Variants in ARCN1 observed in about 807,000 individuals in gnomAD.
ARCN1 encodes archain 1 coat protein complex I subunit delta.
Under a neutral mutation model 60.4 loss-of-function variants are expected in ARCN1, and 5 were observed. That is an observed-to-expected ratio of 0.08 (90% confidence interval 0.04 to 0.17). The LOEUF (loss-of-function observed/expected upper bound fraction) is 0.17, where lower values mean the gene tolerates loss of function less well. ARCN1 is among the 10% of genes least tolerant of loss of function. The pLI is 1.00. For synonymous variants in ARCN1, 224 were observed against 220.0 expected, an observed-to-expected ratio of 1.02 and a Z score of -0.16; for missense variants, 464 against 626.5, an observed-to-expected ratio of 0.74 and a Z score of 2.77.
chr11:118,572,504 C>A lies in ARCN1; in HGVS notation c.-44C>A, dbSNP rs1236942539. On this transcript the variant is annotated 5_prime_UTR_variant, in exon 1 of 10. Coordinates refer to ENST00000264028, the MANE Select transcript of ARCN1 (RefSeq NM_001655.5). Reference sequence around the variant, plus strand: ...CGTTCCCCAGACCCTACCCCTATCCCCAGTGGAGCCGGAGTGCGGGCGCGC... The same window carrying A: ...CGTTCCCCAGACCCTACCCCTATCCACAGTGGAGCCGGAGTGCGGGCGCGC... The A allele has an allele frequency of 3.1e-6, 5 of 1,610,068 alleles. No individual in the cohort carries two copies. Among genetic ancestry groups the A allele is most frequent in the African/African-American group, 2.7e-5 (2 of 74,826 alleles).
chr11:118,599,649 C>CT (rs1381745991), intron 9 of ARCN1, among the ~76,000 whole-genome samples: 2 of 152,132 alleles, frequency 1.3e-5, no homozygotes, highest in African/African-American at 4.8e-5. Context: ...AGGCTGGTCT[C>CT]TAACTCCTGA....
In ARCN1 at chr11:118,584,040, C is replaced by T. The variant is rs782612480; in HGVS notation, c.653+26C>T. On this transcript the variant is annotated intron_variant, in intron 4 of 9. Transcript: ENST00000264028. ...GTATAATCCAGTGTACTTTAGAATACCAGGTGAAGGGTGTATATGTGTCTA... is the reference window on the plus strand; with the variant it reads ...GTATAATCCAGTGTACTTTAGAATATCAGGTGAAGGGTGTATATGTGTCTA... 3.1e-6 allele frequency: 5 copies of T among 1,603,716 alleles called. No individual in the cohort carries two copies. In the South Asian group the frequency reaches 5.5e-5, roughly 18 times the overall value.
At chr11:118,581,925 G>C (rs1226088825) in intron 2 of ARCN1, among the ~76,000 whole-genome samples, 13 of 120,982 alleles carry the variant, frequency 1.1e-4, no homozygotes, top group South Asian at 4.0e-4. Context: ...TCCAGAGACA[G>C]ACAGACAGAC....
intron 1 of ARCN1, chr11:118,573,570 G>C: frequency 3.1e-6 from 2 of 642,606 alleles, no homozygotes; most frequent in Admixed American, 4.8e-5. Flanking sequence ...ATGTCCTTTA[G>C]TCTTTTGAAG....
intron 7 of ARCN1, among the ~76,000 whole-genome samples, chr11:118,593,118 C>T (rs1938948858): frequency 6.6e-6 from 1 of 152,186 alleles, no homozygotes; most frequent in South Asian, 2.1e-4. Flanking sequence ...GGCTGGAGTG[C>T]AGTGGGGCAA....
At chr11:118,579,054 C>G (rs782357850) in intron 1 of ARCN1, among the ~76,000 whole-genome samples, 11 of 151,866 alleles carry the variant, frequency 7.2e-5, no homozygotes, top group Non-Finnish European at 1.5e-4. Context: ...TCATTATAGT[C>G]ATTTGGCCCT....
At chr11:118,593,804 T>A in intron 8 of ARCN1, 106 bp downstream of exon 8, 1 of 622,332 alleles carries the variant, frequency 1.6e-6, no homozygotes, top group Non-Finnish European at 2.8e-6. Flanking sequence ...TCAAAGATAC[T>A]TCTTTAAAAA....
chr11:118,583,171 A>G lies in ARCN1; in HGVS notation c.268-8A>G. ...AAATCTTTCTTTTTTATTGGTGTCC[A>G]CGCTTAGATCCCTGAATATTGCCGA... On this transcript the variant is annotated splice_region_variant and splice_polypyrimidine_tract_variant and intron_variant, in intron 2 of 9. Coordinates refer to ENST00000264028, the MANE Select transcript of ARCN1 (RefSeq NM_001655.5). The G allele has an allele frequency of 6.2e-7, 1 of 1,613,502 alleles. No individual in the cohort carries two copies. The highest frequency in any genetic ancestry group is 2.2e-5 in the East Asian group (1 of 44,864).
chr11:118,596,165 C>T (rs1244979825), intron 8 of ARCN1, among the ~76,000 whole-genome samples: 1 of 152,052 alleles, frequency 6.6e-6, no homozygotes, highest in Non-Finnish European at 1.5e-5. Context: ...ATTCTTGTTT[C>T]CAATTTTAAA....
intron 1 of ARCN1, among the ~76,000 whole-genome samples, chr11:118,577,540 C>T (rs1398755673): frequency 2.6e-5 from 4 of 152,130 alleles, no homozygotes; most frequent in African/African-American, 9.7e-5. Flanking sequence ...CCACCGCTCC[C>T]GGCCTAAATG....
At chr11:118,600,590 T>G in intron 9 of ARCN1, 35 bp from the exon 10 acceptor site, 8 of 1,482,590 alleles carry the variant, frequency 5.4e-6, no homozygotes, top group Non-Finnish European at 6.5e-6. Flanking sequence ...GACTCAAACC[T>G]CCTGCTTTAC....
intron 6 of ARCN1, among the ~76,000 whole-genome samples, chr11:118,592,455 GGTGCAAACTT>G (rs1185082313): frequency 5.3e-5 from 8 of 152,034 alleles, no homozygotes; most frequent in Non-Finnish European, 1.2e-4. Context: ...AACTTTTTCA[GGTGCAAACTT>G]GTTCTGTAAT....
At chr11:118,593,509 C>T (rs1198289501) in intron 7 of ARCN1, 81 bp from the exon 8 acceptor site, 13 of 935,322 alleles carry the variant, frequency 1.4e-5, no homozygotes, top group Non-Finnish European at 2.2e-5. Context: ...TCCTCTAAAG[C>T]GCTGGGGTTA....
intron 2 of ARCN1, 37 bp downstream of exon 2, chr11:118,581,546 G>A: frequency 6.4e-7 from 1 of 1,564,400 alleles, no homozygotes; most frequent in Non-Finnish European, 8.7e-7. Context: ...TCCACTTTTT[G>A]TTTTACATTT....
intron 2 of ARCN1, among the ~76,000 whole-genome samples, chr11:118,582,396 C>G (rs1273796467): frequency 6.6e-6 from 1 of 152,060 alleles, no homozygotes; most frequent in Non-Finnish European, 1.5e-5. Flanking sequence ...TCCCGAAGTG[C>G]TGGGATTACA....
intron 2 of ARCN1, among the ~76,000 whole-genome samples, chr11:118,581,937 G>GACAGACAGACACACACACACAC (rs1555074708): frequency 2.7e-4 from 38 of 140,808 alleles, no homozygotes; most frequent in African/African-American, 9.8e-4. Context: ...CAGACAGACA[G>GACAGACAGACACACACACACAC]ACACACACAC....
chr11:118,581,937 G>GACAGACAGACACACACAC (rs1555074708), intron 2 of ARCN1, among the ~76,000 whole-genome samples: 38 of 140,806 alleles, frequency 2.7e-4, no homozygotes, highest in African/African-American at 9.3e-4. Context: ...CAGACAGACA[G>GACAGACAGACACACACAC]ACACACACAC....
chr11:118,586,095 T>C (rs1207945739), intron 5 of ARCN1, among the ~76,000 whole-genome samples: 1 of 152,166 alleles, frequency 6.6e-6, no homozygotes, highest in African/African-American at 2.4e-5. Flanking sequence ...CTTTCTTCTT[T>C]CCTTTCTTTC....
chr11:118,591,237 C>T lies in ARCN1; in HGVS notation c.984+731C>T, dbSNP rs556425091. Reference sequence around the variant, plus strand: ...ATTTCATTTCATTTAGCCGACATCTCGTCACAAGAACAAAGCCTTTTTACG... The same window carrying T: ...ATTTCATTTCATTTAGCCGACATCTTGTCACAAGAACAAAGCCTTTTTACG... On this transcript the variant is annotated intron_variant, in intron 6 of 9. Transcript: ENST00000264028. 3.9e-5 allele frequency among the ~76,000 whole-genome samples: 6 copies of T among 152,318 alleles called. No individual in the cohort carries two copies. The East Asian group carries it at 1.2e-3, about 29-fold the overall frequency.
Sources: gnomAD v4.1 joint callset for allele counts (sites outside exome capture counted in the v4.1 genomes callset) on GRCh38, gnomAD v4.1.1 for gene constraint, MANE v1.5 for transcripts, NCBI Gene and HGNC (gene_info 2026-07-23, HGNC 2026-07-21) for gene names.